Variants in INO80 observed in about 807,000 individuals in gnomAD.
INO80 encodes the protein INO80 complex ATPase subunit, also known as chromatin-remodeling ATPase INO80.
INO80 carries 20 observed loss-of-function variants against 203.4 expected under a neutral mutation model. The observed-to-expected ratio is 0.10, with a 90% CI of 0.07 to 0.14. INO80 has a LOEUF of 0.14. Among genes scored for constraint, INO80 ranks in the 10% least tolerant of loss-of-function variants. The probability of loss-of-function intolerance (pLI) is 1.00; values close to 1 mark genes in which losing one functional copy is unlikely to be tolerated. For synonymous variants in INO80, 726 were observed against 685.2 expected (o/e 1.06, Z -0.93); for missense variants, 1,419 against 1,914.4 (o/e 0.74, Z 4.83).
At chr15:41,107,925 C>A (rs1013187886) in intron 1 of INO80, among the ~76,000 whole-genome samples, 3 of 151,774 alleles carry the variant, frequency 2.0e-5, no homozygotes, top group African/African-American at 7.3e-5. Context: ...CACAGTGAAA[C>A]CCCATCTCTA....
At chr15:41,001,624 A>G (rs2043959659) in intron 28 of INO80, among the ~76,000 whole-genome samples, 1 of 152,238 alleles carries the variant, frequency 6.6e-6, no homozygotes, top group Non-Finnish European at 1.5e-5. Flanking sequence ...AGCACCACAG[A>G]GCAAAGACCT....
Position 41,050,201 on chromosome 15 carries a change from G to C in INO80, c.2275-99C>G, listed in dbSNP as rs970471626. 3 of 765,978 alleles carry C rather than the reference G, an allele frequency of 3.9e-6. No homozygotes were observed. The Admixed American group carries it at 7.4e-5, about 19-fold the overall frequency. The allele number at this position is 765,978 out of a possible 1,614,324, so 47.4% of individuals were successfully genotyped here. Reference sequence around the variant, plus strand: ...AACACACACAAACCATATTATGATTGAGAATAAACATATGTGAACTCAGTA... The same window carrying C: ...AACACACACAAACCATATTATGATTCAGAATAAACATATGTGAACTCAGTA... On this transcript the variant is annotated intron_variant, in intron 19 of 35. Coordinates refer to ENST00000648947, the MANE Select transcript of INO80 (RefSeq NM_017553.3).
At chr15:41,065,988 C>CTTTTT (rs1175524125) in intron 14 of INO80, among the ~76,000 whole-genome samples, 23 of 127,282 alleles carry the variant, frequency 1.8e-4, no homozygotes, top group Non-Finnish European at 2.9e-4. Context: ...CTACATTGTA[C>CTTTTT]TTTTTTTTTT....
intron 1 of INO80, among the ~76,000 whole-genome samples, chr15:41,104,007 G>A (rs2045844626): frequency 6.6e-6 from 1 of 151,868 alleles, no homozygotes; most frequent in Admixed American, 6.6e-5. Context: ...CCTGAGGTCA[G>A]GAGTTCGAGA....
chr15:41,030,414 G>A (rs980564399), intron 24 of INO80, among the ~76,000 whole-genome samples: 1 of 152,180 alleles, frequency 6.6e-6, no homozygotes, highest in Non-Finnish European at 1.5e-5. Flanking sequence ...CCAGGCTGGA[G>A]TGCAGTGGTG....
At chr15:41,010,616 A>T (rs972273944) in intron 27 of INO80, among the ~76,000 whole-genome samples, 2 of 152,164 alleles carry the variant, frequency 1.3e-5, no homozygotes, top group Admixed American at 1.3e-4. Context: ...TACTACTAAG[A>T]TGAAAATAGA....
At chr15:41,096,508 T>A (rs1263970548) in intron 1 of INO80, among the ~76,000 whole-genome samples, 155 bp from the exon 2 acceptor site, 1 of 152,210 alleles carries the variant, frequency 6.6e-6, no homozygotes, top group Non-Finnish European at 1.5e-5. Context: ...AAAGCTCTTG[T>A]TAGACACTGC....
chr15:41,002,779 C>G (rs1021292940), intron 28 of INO80, among the ~76,000 whole-genome samples: 6 of 152,076 alleles, frequency 3.9e-5, no homozygotes, highest in Admixed American at 3.9e-4. Context: ...GGTATATATA[C>G]CCAGTGTTAA....
chr15:41,051,128 C>CAAAAAAAAAAAAAAAAAAAAAA (rs368535813), intron 19 of INO80, among the ~76,000 whole-genome samples: 6 of 78,494 alleles, frequency 7.6e-5, no homozygotes, highest in Admixed American at 2.7e-4. Flanking sequence ...GACTCCATCT[C>CAAAAAAAAAAAAAAAAAAAAAA]AAAAAAAAAA....
At chr15:41,048,184 C>T (rs1424070146) in intron 22 of INO80, 28 bp downstream of exon 22, 12 of 1,570,762 alleles carry the variant, frequency 7.6e-6, no homozygotes, top group Admixed American at 1.7e-5. Flanking sequence ...CCTGACAAAC[C>T]TACTTTCCCA....
At chr15:41,091,731 T>C (rs1031289531) in intron 5 of INO80, among the ~76,000 whole-genome samples, 1 of 146,576 alleles carries the variant, frequency 6.8e-6, no homozygotes, top group Non-Finnish European at 1.5e-5. Context: ...CTCGGCTCAC[T>C]GCAACCTCCG....
chr15:41,036,851 GCAGGCCAGTTACTTGAGGT>G (rs1265030016), intron 24 of INO80, among the ~76,000 whole-genome samples: 5 of 152,266 alleles, frequency 3.3e-5, no homozygotes, highest in South Asian at 2.1e-4. Context: ...GGAGGCCGAG[GCAGGCCAGTTACTTGAGGT>G]CAGGCCGGTT....
At chr15:41,035,033 G>A (rs780132711) in intron 24 of INO80, among the ~76,000 whole-genome samples, 5 of 152,150 alleles carry the variant, frequency 3.3e-5, no homozygotes, top group Non-Finnish European at 7.4e-5. Flanking sequence ...ATGAAACCTC[G>A]TTATTATACT....
intron 1 of INO80, among the ~76,000 whole-genome samples, chr15:41,101,097 T>A (rs1596328115): frequency 6.6e-6 from 1 of 152,142 alleles, no homozygotes; most frequent in Admixed American, 6.6e-5. Flanking sequence ...CCCAAAGTAG[T>A]GGGATTATAG....
In INO80 at chr15:40,996,864, A is replaced by G. The variant is rs113039131; in HGVS notation, c.3570+665T>C. 3.1e-3 allele frequency among the ~76,000 whole-genome samples: 472 copies of G among 152,338 alleles called. 3 individuals are homozygous for G. Among genetic ancestry groups the G allele is most frequent in the African/African-American group, 0.01 (423 of 41,586 alleles). On this transcript the variant is annotated intron_variant, in intron 29 of 35. Coordinates refer to ENST00000648947, the MANE Select transcript of INO80 (RefSeq NM_017553.3). ...GATGTGTTCAATTATAGCTCCTAAAACAAATCTGGATGGACTGATTGTTTT... is the reference window on the plus strand; with the variant it reads ...GATGTGTTCAATTATAGCTCCTAAAGCAAATCTGGATGGACTGATTGTTTT...
chr15:41,003,669 T>C lies in INO80; in HGVS notation c.3497+1924A>G, dbSNP rs528510621. On this transcript the variant is annotated intron_variant, in intron 28 of 35. Coordinates refer to ENST00000648947, the MANE Select transcript of INO80 (RefSeq NM_017553.3). ...TAAATATTTTTCAAATTTTTCTCAATAGGCATTTCATTATAATCTATAAAG... is the reference window on the plus strand; with the variant it reads ...TAAATATTTTTCAAATTTTTCTCAACAGGCATTTCATTATAATCTATAAAG... Among the ~76,000 whole-genome samples the C allele has an allele frequency of 1.8e-4, 28 of 152,286 alleles. No homozygotes were observed. In the East Asian group the frequency reaches 5.0e-3, roughly 27 times the overall value.
intron 9 of INO80, among the ~76,000 whole-genome samples, chr15:41,074,818 C>A (rs1271637449): frequency 6.6e-6 from 1 of 152,104 alleles, no homozygotes; most frequent in Admixed American, 6.5e-5. Context: ...GATCTCGGCT[C>A]ACTGCGACCT....
At chr15:41,029,588 T>C (rs2044429663) in intron 24 of INO80, among the ~76,000 whole-genome samples, 1 of 152,244 alleles carries the variant, frequency 6.6e-6, no homozygotes, top group Non-Finnish European at 1.5e-5. Flanking sequence ...GTCCCTGTCA[T>C]TACCCAAAGA....
chr15:41,047,073 T>C (rs573330979), intron 23 of INO80, among the ~76,000 whole-genome samples: 13 of 152,042 alleles, frequency 8.6e-5, no homozygotes, highest in Admixed American at 8.5e-4. Flanking sequence ...GTTCAAGCAA[T>C]TCTCCTGCCT....
Sources: allele counts gnomAD v4.1 joint callset (sites outside exome capture counted in the v4.1 genomes callset), GRCh38; gene constraint gnomAD v4.1.1; transcripts MANE v1.5; gene names NCBI Gene and HGNC (gene_info 2026-07-23, HGNC 2026-07-21).